ZMYM2: variants seen among roughly 807,000 people sequenced by gnomAD.
ZMYM2 encodes zinc finger MYM-type protein 2.
In ZMYM2, 56 loss-of-function variants were observed where a neutral mutation model predicts 162.8. The ratio of observed to expected loss-of-function variants is 0.34; its 90% confidence interval spans 0.28 to 0.43. ZMYM2 has a LOEUF of 0.43. Among genes scored for constraint, ZMYM2 ranks in the 20% least tolerant of loss-of-function variants. The pLI, the probability that ZMYM2 is intolerant of heterozygous loss-of-function variation, is 1.00. For synonymous variants in ZMYM2, 510 were observed against 541.6 expected, an observed-to-expected ratio of 0.94 and a Z score of 0.81; for missense variants, 1,275 against 1,621.8, an observed-to-expected ratio of 0.79 and a Z score of 3.67.
At position 20,088,181 on chromosome 13, in the gene ZMYM2, T is replaced by A. The variant is rs1329755786; in HGVS notation, c.*2167T>A. On this transcript the variant is annotated 3_prime_UTR_variant, in exon 25 of 25. Coordinates refer to ENST00000610343, the MANE Select transcript of ZMYM2 (RefSeq NM_197968.4). ...TTTAGAGCTCTTGTCTTTGTCTTGATTGCAATCCAACGATAGATTAACTTG... is the reference window on the plus strand; with the variant it reads ...TTTAGAGCTCTTGTCTTTGTCTTGAATGCAATCCAACGATAGATTAACTTG... 2.4e-5 allele frequency: 5 copies of A among 206,418 alleles called. No homozygotes were observed. The East Asian group carries it at 3.7e-4, about 15-fold the overall frequency. The allele number at this position is 206,418 out of a possible 1,614,324, so 12.8% of individuals were successfully genotyped here.
chr13:19,884,656 G>A, the ZMYM2 span, among the ~76,000 whole-genome samples: 4 of 152,134 alleles, frequency 2.6e-5, no homozygotes, highest in East Asian at 1.9e-4. Context: ...TCCTTCCGGT[G>A]TGCCATAGTT....
At chr13:19,919,791 C>T in the ZMYM2 span, among the ~76,000 whole-genome samples, 1 of 151,972 alleles carries the variant, frequency 6.6e-6, no homozygotes, top group Non-Finnish European at 1.5e-5. Flanking sequence ...AGTTCTCCTG[C>T]CTCAGCCTCC....
At chr13:20,009,511 TTC>T (rs1951007465) in intron 6 of ZMYM2, among the ~76,000 whole-genome samples, 1 of 152,222 alleles carries the variant, frequency 6.6e-6, no homozygotes, top group South Asian at 2.1e-4. Context: ...TTGACTCTAT[TTC>T]TGAAACTTTT....
At position 20,031,445 on chromosome 13, in the gene ZMYM2, A is replaced by G. The variant is rs1566347373; in HGVS notation, c.1968+10A>G. 1 of 1,555,002 alleles carries G rather than the reference A, an allele frequency of 6.4e-7. No homozygotes were observed. Reference sequence around the variant, plus strand: ...AATCCTGGAATGGGAGGCAAGTTGTATTTTGTAATGTGTGTTATCTAATGC... The same window carrying G: ...AATCCTGGAATGGGAGGCAAGTTGTGTTTTGTAATGTGTGTTATCTAATGC... On this transcript the variant is annotated intron_variant, in intron 10 of 24. Transcript: ENST00000610343.
chr13:19,884,358 G>A, the ZMYM2 span, among the ~76,000 whole-genome samples: 640 of 152,196 alleles, frequency 4.2e-3, 2 homozygotes, highest in African/African-American at 0.015. Flanking sequence ...GAAAAAGCAC[G>A]ACGTCAGTAG....
the ZMYM2 span, among the ~76,000 whole-genome samples, chr13:19,938,240 C>T: frequency 1.3e-5 from 2 of 152,268 alleles, no homozygotes; most frequent in South Asian, 4.1e-4. Context: ...GGTGTGTTGG[C>T]TCACACCTAT....
At chr13:19,902,135 A>C in the ZMYM2 span, among the ~76,000 whole-genome samples, 1,089 of 152,292 alleles carry the variant, frequency 7.2e-3, 7 homozygotes, top group Non-Finnish European at 0.01. Flanking sequence ...AGCCAGTCAC[A>C]AAAAGACAAA....
At chr13:19,917,567 G>C in the ZMYM2 span, among the ~76,000 whole-genome samples, 1 of 141,434 alleles carries the variant, frequency 7.1e-6, no homozygotes. Flanking sequence ...TCCAGCCTGA[G>C]CAACAAGAGC....
rs756291717 is a variant in ZMYM2 at position 20,059,460 on chromosome 13, G to A, written c.2637G>A (p.Arg879=). 6.2e-7 allele frequency: 1 copy of A among 1,612,616 alleles called. No individual in the cohort carries two copies. The highest frequency in any genetic ancestry group is 2.2e-5 in the East Asian group (1 of 44,868). The change falls in exon 16 of 25, where the codon AGG becomes AGA. Residue 879 remains arginine, a synonymous_variant. Transcript: ENST00000610343. ...TTGTGTTTTTAGATGATACTTGGAG[G>A]ACAGAATATGTTCCAGTGCCTATCC... ...TKSCQTDDTW[R]TEYVPVPIPV... is the part of the protein sequence containing the mutation.
At chr13:19,933,546 T>C in the ZMYM2 span, among the ~76,000 whole-genome samples, 2 of 152,182 alleles carry the variant, frequency 1.3e-5, no homozygotes, top group East Asian at 3.8e-4. Flanking sequence ...TTGCCTGAGA[T>C]AGAGATTGGC....
At chr13:19,956,744 A>G (rs1954534770), upstream of ZMYM2, among the ~76,000 whole-genome samples, 5 of 152,224 alleles carry the variant, frequency 3.3e-5, no homozygotes, top group Admixed American at 3.3e-4. Flanking sequence ...TTTATCACAG[A>G]GCTTATTTGG....
chr13:19,903,946 C>G, the ZMYM2 span, among the ~76,000 whole-genome samples: 4 of 152,002 alleles, frequency 2.6e-5, no homozygotes, highest in Non-Finnish European at 5.9e-5. Context: ...GCTCTAGGAA[C>G]TTTTTGTCTC....
At chr13:20,027,166 T>C in intron 8 of ZMYM2, 37 bp from the exon 9 acceptor site, 1 of 1,464,474 alleles carries the variant, frequency 6.8e-7, no homozygotes, top group Non-Finnish European at 9.1e-7. Flanking sequence ...TTTTATTACT[T>C]TATAAACAAA....
intron 2 of ZMYM2, among the ~76,000 whole-genome samples, chr13:19,961,494 C>T (rs962964257): frequency 2.6e-5 from 4 of 152,122 alleles, no homozygotes; most frequent in Admixed American, 6.5e-5. Flanking sequence ...AATAATGAAT[C>T]AAGGGTTAGA....
chr13:20,058,259 G>T (rs1955960488), intron 14 of ZMYM2, among the ~76,000 whole-genome samples: 1 of 151,990 alleles, frequency 6.6e-6, no homozygotes, highest in Admixed American at 6.6e-5. Context: ...TCATAGTTCA[G>T]GTTTGCAACC....
the ZMYM2 span, among the ~76,000 whole-genome samples, chr13:19,877,809 T>C: frequency 6.6e-6 from 1 of 152,128 alleles, no homozygotes; most frequent in African/African-American, 2.4e-5. Context: ...GACACTAAGG[T>C]TGCTTCCACA....
rs1193499722 is a variant in ZMYM2 at position 19,959,007 on chromosome 13, G to A, written c.-80+166G>A. Reference sequence around the variant, plus strand: ...CCCACCGACCCGGGATTAATACCCCGCGGCGCGGCCGCCGTCGCCGCTGCC... The same window carrying A: ...CCCACCGACCCGGGATTAATACCCCACGGCGCGGCCGCCGTCGCCGCTGCC... On this transcript the variant is annotated intron_variant, in intron 1 of 24. Coordinates refer to ENST00000610343, the MANE Select transcript of ZMYM2 (RefSeq NM_197968.4). Among the ~76,000 whole-genome samples the A allele has an allele frequency of 6.6e-5, 10 of 151,984 alleles. No homozygotes were observed. In the South Asian group the frequency reaches 1.9e-3, roughly 28 times the overall value.
chr13:19,885,476 G>A, the ZMYM2 span, among the ~76,000 whole-genome samples: 4 of 152,208 alleles, frequency 2.6e-5, no homozygotes, highest in African/African-American at 9.6e-5. Flanking sequence ...CTGCTTAATT[G>A]CCATTCAGGA....
In ZMYM2 at chr13:20,026,676, A is replaced by C; in HGVS notation, c.1649A>C (p.Gln550Pro). Residue 550 changes from glutamine to proline, a missense_variant, in exon 8 of 25, where the codon CAG becomes CCG. Transcript: ENST00000610343. ...RTQCRFFDMT[Q>P]CIGPNGYMEP... ...CAGTGCAGGTTTTTTGATATGACTC[A>C]GTGTATAGGTCCTAATGGATATATG... The C allele has an allele frequency of 6.2e-7, 1 of 1,610,882 alleles. No individual in the cohort carries two copies. Among genetic ancestry groups the C allele is most frequent in the Non-Finnish European group, 8.5e-7 (1 of 1,179,198 alleles).
Sources: allele counts gnomAD v4.1 joint callset (sites outside exome capture counted in the v4.1 genomes callset), GRCh38; gene constraint gnomAD v4.1.1; transcripts MANE v1.5; gene names NCBI Gene and HGNC (gene_info 2026-07-23, HGNC 2026-07-21).